RBFOX1: variants seen among roughly 807,000 people sequenced by gnomAD.
RBFOX1 encodes RNA binding fox-1 homolog 1.
Under a neutral mutation model 57.7 loss-of-function variants are expected in RBFOX1, and 8 were observed. That is an observed-to-expected ratio of 0.14 (90% CI 0.08 to 0.25). The LOEUF (loss-of-function observed/expected upper bound fraction) is 0.25, where lower values mean the gene tolerates loss of function less well. Among genes scored for constraint, RBFOX1 ranks in the 10% least tolerant of loss-of-function variants. The probability of loss-of-function intolerance (pLI) is 1.00; values close to 1 mark genes in which losing one functional copy is unlikely to be tolerated. For synonymous variants in RBFOX1, 326 were observed against 222.4 expected, an observed-to-expected ratio of 1.47 and a Z score of -4.15; for missense variants, 611 against 548.5, an observed-to-expected ratio of 1.11 and a Z score of -1.14.
At chr16:6,511,199 A>G (rs540822908) in intron 2 of RBFOX1, among the ~76,000 whole-genome samples, 5 of 152,152 alleles carry the variant, frequency 3.3e-5, no homozygotes, top group East Asian at 1.9e-4. Context: ...AGAAAGATGG[A>G]GGAGCGAAGA....
At chr16:7,518,864 A>C (rs2076952065) in intron 5 of RBFOX1, among the ~76,000 whole-genome samples, 1 of 152,080 alleles carries the variant, frequency 6.6e-6, no homozygotes. Context: ...CTCTACAAGA[A>C]ATTTAAAATT....
intron 1 of RBFOX1, among the ~76,000 whole-genome samples, chr16:5,254,875 C>T (rs116582508): frequency 0.063 from 9,529 of 152,118 alleles, 925 homozygotes; most frequent in African/African-American, 0.21. Context: ...GTAGGTGGAG[C>T]GAAGAGGGTG....
rs567186464 is a variant in RBFOX1 at position 7,430,905 on chromosome 16, C to G, written c.28-87242C>G. Reference sequence around the variant, plus strand: ...GTGTATGATGTGACTGGAAAAGAACCAGACGTAGGGATATGCCAAAGAATG... The same window carrying G: ...GTGTATGATGTGACTGGAAAAGAACGAGACGTAGGGATATGCCAAAGAATG... On this transcript the variant is annotated intron_variant, in intron 4 of 15. Coordinates refer to ENST00000550418, the MANE Select transcript of RBFOX1 (RefSeq NM_018723.4). 5.3e-5 allele frequency among the ~76,000 whole-genome samples: 8 copies of G among 152,318 alleles called. No homozygotes were observed. The South Asian group carries it at 6.2e-4, about 12-fold the overall frequency.
At chr16:6,999,209 TTTA>T (rs1568299895) in intron 3 of RBFOX1, among the ~76,000 whole-genome samples, 14 of 95,862 alleles carry the variant, frequency 1.5e-4, no homozygotes, top group East Asian at 7.7e-4. Flanking sequence ...ATTTTTTATT[TTTA>T]TTTATTTTTT....
chr16:7,347,746 A>G (rs1443475252), intron 4 of RBFOX1, among the ~76,000 whole-genome samples: 12 of 152,150 alleles, frequency 7.9e-5, no homozygotes, highest in Non-Finnish European at 1.5e-4. Flanking sequence ...GTATGTCTCA[A>G]TCTTTATATC....
chr16:7,564,153 T>G (rs2152704065), intron 5 of RBFOX1, among the ~76,000 whole-genome samples: 1 of 152,122 alleles, frequency 6.6e-6, no homozygotes, highest in Non-Finnish European at 1.5e-5. Flanking sequence ...TAGGTTAATT[T>G]AAGGCCACGA....
intron 3 of RBFOX1, among the ~76,000 whole-genome samples, chr16:6,921,018 A>G (rs1172450129): frequency 1.3e-5 from 2 of 152,180 alleles, no homozygotes; most frequent in South Asian, 2.1e-4. Flanking sequence ...GGAACACAGT[A>G]TCTCAAGTGG....
chr16:7,103,711 C>T (rs1014978242), intron 4 of RBFOX1, among the ~76,000 whole-genome samples: 1 of 152,092 alleles, frequency 6.6e-6, no homozygotes, highest in African/African-American at 2.4e-5. Flanking sequence ...AACGAATATG[C>T]CTCATACAGG....
intron 4 of RBFOX1, among the ~76,000 whole-genome samples, chr16:7,202,860 G>A (rs144216384): frequency 2.0e-5 from 3 of 152,180 alleles, no homozygotes; most frequent in Admixed American, 6.5e-5. Flanking sequence ...TGCCAAAAAG[G>A]TTGGGGTCTG....
chr16:6,962,975 A>G (rs1415582996), intron 3 of RBFOX1, among the ~76,000 whole-genome samples: 3 of 152,246 alleles, frequency 2.0e-5, no homozygotes, highest in South Asian at 4.2e-4. Context: ...TTTGCATGGC[A>G]AAGGAGAAAA....
Position 6,482,800 on chromosome 16 carries a change from G to A in RBFOX1, c.-64+165743G>A, listed in dbSNP as rs186275160. On this transcript the variant is annotated intron_variant, in intron 2 of 15. Coordinates refer to ENST00000550418, the MANE Select transcript of RBFOX1 (RefSeq NM_018723.4). ...CTTCGATGTTTTACCAGTATTTCTA[G>A]GTGAAGCAGCATATTGGAAGTCATA... is the stretch of plus-strand genomic sequence containing the variant. Among the ~76,000 whole-genome samples, 5 of 152,314 alleles carry A rather than the reference G, an allele frequency of 3.3e-5. No homozygotes were observed. The East Asian group carries it at 9.7e-4, about 29-fold the overall frequency.
intron 1 of RBFOX1, among the ~76,000 whole-genome samples, chr16:5,335,110 T>C (rs1017051449): frequency 2.0e-5 from 3 of 152,162 alleles, no homozygotes; most frequent in Non-Finnish European, 4.4e-5. Flanking sequence ...TCCTTCACAA[T>C]GTTGCGAAGA....
chr16:5,619,757 T>A (rs1180134646), intron 3 of RBFOX1, among the ~76,000 whole-genome samples: 1 of 152,112 alleles, frequency 6.6e-6, no homozygotes, highest in African/African-American at 2.4e-5. Context: ...GTAAGCTGCT[T>A]CCCTTCTCTG....
chr16:6,814,048 C>G (rs2089459102), intron 3 of RBFOX1, among the ~76,000 whole-genome samples: 1 of 148,878 alleles, frequency 6.7e-6, no homozygotes, highest in Non-Finnish European at 1.5e-5. Flanking sequence ...AACATAACAA[C>G]TTGTCCTGGA....
chr16:5,897,686 G>C (rs780536287), intron 4 of RBFOX1, among the ~76,000 whole-genome samples: 15 of 152,158 alleles, frequency 9.9e-5, no homozygotes, highest in Non-Finnish European at 1.8e-4. Flanking sequence ...CATCCTGCCT[G>C]CAAGCTTCTC....
chr16:7,380,487 G>C (rs2097766811), intron 4 of RBFOX1, among the ~76,000 whole-genome samples: 1 of 152,160 alleles, frequency 6.6e-6, no homozygotes, highest in Non-Finnish European at 1.5e-5. Context: ...ATGTACTTCA[G>C]TCTTAACATC....
intron 1 of RBFOX1, among the ~76,000 whole-genome samples, chr16:6,061,015 A>G (rs2095678717): frequency 6.6e-6 from 1 of 152,132 alleles, no homozygotes; most frequent in African/African-American, 2.4e-5. Context: ...TGAGGACAGA[A>G]CCTGGTTGGT....
Position 6,483,633 on chromosome 16 carries a change from C to T in RBFOX1, c.-64+166576C>T, listed in dbSNP as rs1038588592. The T allele has an allele frequency of 1.1e-5, 15 of 1,418,688 alleles. No homozygotes were observed. The Admixed American group carries it at 2.2e-4, about 20-fold the overall frequency. The allele number at this position is 1,418,688 out of a possible 1,614,324, so 87.9% of individuals were successfully genotyped here. ...GGGAGGGAAGGGAGAGACCAGGCAG[C>T]TTCTGCAGAGGCTTCCTGAAGCCCA... On this transcript the variant is annotated intron_variant, in intron 2 of 15. Transcript: ENST00000550418.
intron 2 of RBFOX1, among the ~76,000 whole-genome samples, chr16:6,546,071 A>C (rs2096890776): frequency 6.6e-6 from 1 of 152,248 alleles, no homozygotes; most frequent in African/African-American, 2.4e-5. Flanking sequence ...AAAAAATCAC[A>C]GAAAAAGATT....
Sources: gnomAD v4.1 joint callset for allele counts (sites outside exome capture counted in the v4.1 genomes callset) on GRCh38, gnomAD v4.1.1 for gene constraint, MANE v1.5 for transcripts, NCBI Gene and HGNC (gene_info 2026-07-23, HGNC 2026-07-21) for gene names.